The following GTF2IRD1 variants were observed in gnomAD, a reference collection of about 807,000 sequenced individuals.
GTF2IRD1 encodes the protein general transcription factor II-I repeat domain-containing protein 1.
GTF2IRD1 carries 26 observed loss-of-function variants against 113.2 expected under a neutral mutation model. The ratio of observed to expected loss-of-function variants is 0.23; its 90% confidence interval spans 0.17 to 0.32. GTF2IRD1 has a LOEUF of 0.32. Ranked by LOEUF, GTF2IRD1 falls within the 10% of genes least tolerant of loss-of-function variation. The pLI, the probability that GTF2IRD1 is intolerant of heterozygous loss-of-function variation, is 1.00. For missense variants in GTF2IRD1, 864 were observed against 1,280.8 expected (o/e 0.67, Z 4.97); for synonymous variants, 484 against 529.1 (o/e 0.91, Z 1.17).
chr7:74,540,253 T>C (rs775396945), intron 14 of GTF2IRD1, among the ~76,000 whole-genome samples: 39 of 152,178 alleles, frequency 2.6e-4, no homozygotes, highest in Non-Finnish European at 4.6e-4. Context: ...TTCAAGTGAT[T>C]CTCCTGCCTC....
intron 17 of GTF2IRD1, 21 bp downstream of exon 17, chr7:74,547,307 T>A (rs1554353601): frequency 6.3e-7 from 1 of 1,581,526 alleles, no homozygotes; most frequent in Non-Finnish European, 8.6e-7. Flanking sequence ...ACCAGGTCCA[T>A]GGGAGACAGC....
chr7:74,537,669 C>G (rs1798380611), intron 11 of GTF2IRD1, among the ~76,000 whole-genome samples: 2 of 152,102 alleles, frequency 1.3e-5, no homozygotes, highest in African/African-American at 4.8e-5. Context: ...TCATATCAGG[C>G]CTCTCCCTGC....
rs1554345376 is a variant in GTF2IRD1 at position 74,519,465 on chromosome 7, C to T, written c.662C>T (p.Ser221Phe). 6.3e-7 allele frequency: 1 copy of T among 1,592,352 alleles called. No homozygotes were observed. Among genetic ancestry groups the T allele is most frequent in the Admixed American group, 1.8e-5 (1 of 56,804 alleles). The stretch of plus-strand genomic sequence containing the variant: ...GCCCTGGTGGAGCTGAACGGTGTCT[C>T]CCTGATTCCCAAGGGGTCACGGGAC... Reference protein sequence around the residue: ...SKALVELNGVSLIPKGSRDCG... With the variant: ...SKALVELNGVFLIPKGSRDCG... Residue 221 changes from serine (S) to phenylalanine (F), a missense_variant, in exon 6 of 27, where the codon TCC (serine) becomes TTC (phenylalanine). By Grantham distance (155) the Ser-to-Phe change is radical. Around this residue, in one of 7 missense-constraint regions of GTF2IRD1, gnomAD observed 195 missense variants for 196.6 expected, o/e 0.99. Transcript: ENST00000424337.
chr7:74,487,369 T>C (rs1316839931), intron 1 of GTF2IRD1: 1 of 152,184 alleles, frequency 6.6e-6, no homozygotes, highest in Non-Finnish European at 1.5e-5. Flanking sequence ...CTATTCCCTT[T>C]CTGAATATGA....
Position 74,508,690 on chromosome 7 carries a change from T to TAAAAAAA in GTF2IRD1, c.123+500_123+506dup, listed in dbSNP as rs35760074. On this transcript the variant is annotated intron_variant, in intron 2 of 26. Transcript: ENST00000424337. ...TGGGTGACAGGGCAAGACTCCGTCT[T>TAAAAAAA]AAAAAAAAAAAAAAAAAAATCTAGC... Among the ~76,000 whole-genome samples the TAAAAAAA allele has an allele frequency of 1.3e-4, 17 of 132,060 alleles. No individual in the cohort carries two copies. The East Asian group carries it at 2.2e-3, about 17-fold the overall frequency. 86.6% of individuals were successfully genotyped at this position (132,060 alleles called of 152,430 possible). A position where few individuals can be genotyped will look rare whatever the true frequency, so the allele number is the denominator to read the frequency against.
intron 2 of GTF2IRD1, among the ~76,000 whole-genome samples, chr7:74,508,646 G>A (rs932601884): frequency 3.3e-5 from 5 of 150,386 alleles, no homozygotes; most frequent in African/African-American, 9.8e-5. Context: ...AGCCGAGGTC[G>A]TGCCATTGTA....
chr7:74,462,003 T>C (rs559537492), intron 1 of GTF2IRD1, among the ~76,000 whole-genome samples: 1 of 152,304 alleles, frequency 6.6e-6, no homozygotes, highest in African/African-American at 2.4e-5. Context: ...TTTGGGAGGC[T>C]GAGGCGGGAG....
chr7:74,501,166 G>A (rs1796006737), intron 1 of GTF2IRD1, among the ~76,000 whole-genome samples: 1 of 152,078 alleles, frequency 6.6e-6, no homozygotes, highest in South Asian at 2.1e-4. Flanking sequence ...CCTCTTCCCT[G>A]GGTCCCAGCT....
At chr7:74,592,036 C>T (rs1554369855) in intron 24 of GTF2IRD1, among the ~76,000 whole-genome samples, 2 of 151,798 alleles carry the variant, frequency 1.3e-5, no homozygotes, top group Admixed American at 1.3e-4. Context: ...AGCTGTAACT[C>T]TCCTACTGAA....
intron 16 of GTF2IRD1, among the ~76,000 whole-genome samples, chr7:74,546,085 A>AGCCCTCC (rs1554353182): frequency 6.6e-6 from 1 of 151,994 alleles, no homozygotes; most frequent in African/African-American, 2.4e-5. Context: ...GCCAGCCCTC[A>AGCCCTCC]GCCCTCCGCC....
At chr7:74,456,079 C>T (rs1792954513) in intron 1 of GTF2IRD1, among the ~76,000 whole-genome samples, 1 of 152,154 alleles carries the variant, frequency 6.6e-6, no homozygotes, top group African/African-American at 2.4e-5. Flanking sequence ...AGGCAGCCTC[C>T]CAGGAGCCCG....
chr7:74,537,194 G>C (rs1798348002), intron 11 of GTF2IRD1, among the ~76,000 whole-genome samples: 1 of 152,146 alleles, frequency 6.6e-6, no homozygotes, highest in South Asian at 2.1e-4. Flanking sequence ...CAGATCACCT[G>C]AGGTCAGGAG....
rs2130594502 is a variant in GTF2IRD1 at position 74,539,981 on chromosome 7, C to T, written c.1618+13C>T. On this transcript the variant is annotated intron_variant, in intron 14 of 26. Transcript: ENST00000424337. ...GAGATGCTGACAGGTAAGAAATGGA[C>T]CTGGGCTGGTGGTGCTTGGGACTCA... The T allele has an allele frequency of 6.3e-7, 1 of 1,589,844 alleles. No individual in the cohort carries two copies. Among genetic ancestry groups the T allele is most frequent in the Non-Finnish European group, 8.6e-7 (1 of 1,158,460 alleles).
chr7:74,535,252 G>A, intron 10 of GTF2IRD1, 114 bp downstream of exon 10: 1 of 814,382 alleles, frequency 1.2e-6, no homozygotes, highest in Non-Finnish European at 2.2e-6. Context: ...CAGGCAGGGA[G>A]GGAGGCTGGG....
In GTF2IRD1 at chr7:74,536,157, C is replaced by G. The variant is rs1307395580; in HGVS notation, c.1301-10C>G. On this transcript the variant is annotated splice_polypyrimidine_tract_variant and intron_variant, in intron 10 of 26. Coordinates refer to ENST00000424337, the MANE Select transcript of GTF2IRD1 (RefSeq NM_005685.4). ...GGCCTTCACCCTGACCTCCCTGACT[C>G]TCCCCACAGGGAACAAGTTTACCAA... is the stretch of plus-strand genomic sequence containing the variant. 4 of 1,587,204 alleles carry G rather than the reference C, an allele frequency of 2.5e-6. No homozygotes were observed. In the African/African-American group the frequency reaches 5.4e-5, roughly 21 times the overall value.
At chr7:74,474,491 CAGTG>C (rs782389109) in intron 1 of GTF2IRD1, among the ~76,000 whole-genome samples, 2 of 152,294 alleles carry the variant, frequency 1.3e-5, no homozygotes, top group South Asian at 4.1e-4. Flanking sequence ...TTGTGGTTGA[CAGTG>C]AGCCATGCCT....
chr7:74,491,706 A>G (rs1454225419), intron 1 of GTF2IRD1, among the ~76,000 whole-genome samples: 1 of 151,986 alleles, frequency 6.6e-6, no homozygotes, highest in African/African-American at 2.4e-5. Flanking sequence ...TACCTACCAC[A>G]TTTTCTTTAC....
intron 22 of GTF2IRD1, among the ~76,000 whole-genome samples, chr7:74,574,912 A>G (rs959484414): frequency 6.6e-6 from 1 of 151,916 alleles, no homozygotes; most frequent in South Asian, 2.1e-4. Context: ...AACATGGTGA[A>G]ACTCCGTTTC....
intron 7 of GTF2IRD1, 109 bp from the exon 8 acceptor site, chr7:74,523,962 G>A (rs1797441774): frequency 1.4e-6 from 1 of 735,606 alleles, no homozygotes; most frequent in Non-Finnish European, 2.4e-6. Context: ...CTGGGGGCTG[G>A]GGCCGGCCTC....
Sources: gnomAD v4.1 joint callset for allele counts (sites outside exome capture counted in the v4.1 genomes callset) on GRCh38, gnomAD v4.1.1 for gene constraint, gnomAD v4.1.1 regional missense constraint, MANE v1.5 for transcripts, NCBI Gene and HGNC (gene_info 2026-07-23, HGNC 2026-07-21) for gene names.